Variants in CNTNAP4 observed in about 807,000 individuals in gnomAD.
The protein encoded by CNTNAP4 is contactin-associated protein-like 4.
CNTNAP4 carries 98 observed loss-of-function variants against 148.4 expected under a neutral mutation model. The observed-to-expected ratio is 0.66, with a 90% CI of 0.56 to 0.78. The LOEUF (loss-of-function observed/expected upper bound fraction) is 0.78. CNTNAP4 is among the 30% of genes least tolerant of loss of function. The pLI is 0.00. For missense variants in CNTNAP4, 1,935 were observed against 1,565.6 expected, an observed-to-expected ratio of 1.24 and a Z score of -3.98; for synonymous variants, 730 against 565.1, an observed-to-expected ratio of 1.29 and a Z score of -4.14.
At chr16:76,368,676 G>A (rs2014439276) in intron 3 of CNTNAP4, among the ~76,000 whole-genome samples, 1 of 152,030 alleles carries the variant, frequency 6.6e-6, no homozygotes, top group Admixed American at 6.6e-5. Context: ...CTGTTGTGGG[G>A]TAAGGGGCAA....
At chr16:76,482,431 A>ATTTTTTTTTTTT (rs373576749) in intron 12 of CNTNAP4, among the ~76,000 whole-genome samples, 1 of 129,600 alleles carries the variant, frequency 7.7e-6, no homozygotes, top group Non-Finnish European at 1.7e-5. Context: ...TGTTTTACAC[A>ATTTTTTTTTTTT]ATTTTTTTTT....
intron 3 of CNTNAP4, among the ~76,000 whole-genome samples, chr16:76,388,632 T>A (rs1485907379): frequency 6.6e-6 from 1 of 152,232 alleles, no homozygotes; most frequent in Non-Finnish European, 1.5e-5. Context: ...TAATGTCTGA[T>A]ATATAATAGT....
At chr16:76,438,934 A>C (rs1433719512) in intron 4 of CNTNAP4, among the ~76,000 whole-genome samples, 1 of 152,230 alleles carries the variant, frequency 6.6e-6, no homozygotes, top group Non-Finnish European at 1.5e-5. Flanking sequence ...GTACATTTGT[A>C]CAATTACAAC....
At chr16:76,361,216 CA>C (rs1289211907) in intron 3 of CNTNAP4, among the ~76,000 whole-genome samples, 1 of 152,128 alleles carries the variant, frequency 6.6e-6, no homozygotes, top group African/African-American at 2.4e-5. Context: ...TCACTATAAG[CA>C]CAGTGTTGTA....
At chr16:76,470,868 C>G (rs2081345397) in intron 10 of CNTNAP4, among the ~76,000 whole-genome samples, 1 of 152,024 alleles carries the variant, frequency 6.6e-6, no homozygotes, top group Non-Finnish European at 1.5e-5. Context: ...ACCAATGTGG[C>G]CTTTGCACAC....
intron 2 of CNTNAP4, among the ~76,000 whole-genome samples, 179 bp from the exon 3 acceptor site, chr16:76,355,139 A>G (rs985239053): frequency 1.3e-5 from 2 of 152,224 alleles, no homozygotes; most frequent in Non-Finnish European, 2.9e-5. Flanking sequence ...ATTAACATAG[A>G]CATCATATAA....
At chr16:76,517,219 A>C (rs186593681) in intron 15 of CNTNAP4, among the ~76,000 whole-genome samples, 1 of 152,276 alleles carries the variant, frequency 6.6e-6, no homozygotes, top group African/African-American at 2.4e-5. Context: ...GTAAGGAGGG[A>C]GGAAAGCGGT....
At chr16:76,341,791 G>A (rs1402148023) in intron 2 of CNTNAP4, among the ~76,000 whole-genome samples, 2 of 152,158 alleles carry the variant, frequency 1.3e-5, no homozygotes, top group Non-Finnish European at 2.9e-5. Flanking sequence ...CAGTGAGGAT[G>A]TAAAGCAAGA....
At chr16:76,373,436 T>C (rs80025336) in intron 3 of CNTNAP4, among the ~76,000 whole-genome samples, 3 of 152,304 alleles carry the variant, frequency 2.0e-5, no homozygotes, top group African/African-American at 7.2e-5. Flanking sequence ...TACCTCTAAA[T>C]TGGCCTTGTC....
At position 76,538,976 on chromosome 16, in the gene CNTNAP4, A is replaced by G. The variant is rs2084335288; in HGVS notation, c.3220+636A>G. ...GGATAAGAAAAGCAAACATACAAAC[A>G]TGTGACTATATCATTTCAACTGATT... On this transcript the variant is annotated intron_variant, in intron 19 of 23. Coordinates refer to ENST00000611870, the MANE Select transcript of CNTNAP4 (RefSeq NM_033401.5). 2.6e-5 allele frequency among the ~76,000 whole-genome samples: 4 copies of G among 152,108 alleles called. 1 individual carries two copies. The highest frequency in any genetic ancestry group is 2.6e-4 in the Admixed American group (4 of 15,276).
intron 2 of CNTNAP4, among the ~76,000 whole-genome samples, chr16:76,329,606 A>G (rs1310592833): frequency 6.6e-6 from 1 of 152,180 alleles, no homozygotes; most frequent in Non-Finnish European, 1.5e-5. Context: ...TTTCTTCCTC[A>G]GTGGGAATTA....
At chr16:76,384,039 G>GTTAT (rs558833268) in intron 3 of CNTNAP4, among the ~76,000 whole-genome samples, 160 of 151,872 alleles carry the variant, frequency 1.1e-3, no homozygotes, top group African/African-American at 3.6e-3. Context: ...TTTGTTTTTT[G>GTTAT]TTATTTATTT....
At chr16:76,338,255 C>G (rs1418869663) in intron 2 of CNTNAP4, among the ~76,000 whole-genome samples, 1 of 152,156 alleles carries the variant, frequency 6.6e-6, no homozygotes, top group Non-Finnish European at 1.5e-5. Flanking sequence ...GAAATCTTCA[C>G]AATTTATGTT....
intron 3 of CNTNAP4, among the ~76,000 whole-genome samples, chr16:76,370,966 C>G (rs17766886): frequency 9.1e-6 from 1 of 109,736 alleles, no homozygotes; most frequent in Non-Finnish European, 1.9e-5. Context: ...GTAGGCAAAG[C>G]TAGCCAAGAA....
intron 13 of CNTNAP4, among the ~76,000 whole-genome samples, chr16:76,492,470 G>A (rs2082256578): frequency 6.6e-6 from 1 of 152,180 alleles, no homozygotes; most frequent in Non-Finnish European, 1.5e-5. Context: ...AAGTCAAGCT[G>A]TAACAGAACC....
chr16:76,500,801 G>A (rs1045355766), intron 15 of CNTNAP4, among the ~76,000 whole-genome samples: 10 of 150,748 alleles, frequency 6.6e-5, no homozygotes, highest in African/African-American at 2.5e-4. Flanking sequence ...TCTTTGATCA[G>A]GGAATGAAAT....
At position 76,324,945 on chromosome 16, in the gene CNTNAP4, G is replaced by A. The variant is rs184915045; in HGVS notation, c.196+8422G>A. On this transcript the variant is annotated intron_variant, in intron 2 of 23. Coordinates refer to ENST00000611870, the MANE Select transcript of CNTNAP4 (RefSeq NM_033401.5). ...GGGCTTCAGCCTGTGAATTTTGTTG[G>A]GACACAAACATTCAGCCCATAGTAG... 5.9e-5 allele frequency among the ~76,000 whole-genome samples: 9 copies of A among 152,188 alleles called. No homozygotes were observed. In the East Asian group the frequency reaches 1.7e-3, roughly 29 times the overall value.
Position 76,448,061 on chromosome 16 carries a change from T to G in CNTNAP4, c.588T>G (p.Phe196Leu). 3 of 1,613,796 alleles carry G rather than the reference T, an allele frequency of 1.9e-6. No homozygotes were observed. The highest frequency in any genetic ancestry group is 1.7e-6 in the Non-Finnish European group (2 of 1,179,754). Residue 196 changes from phenylalanine to leucine, a missense_variant, in exon 5 of 24, where the codon TTT (phenylalanine) becomes TTG (leucine). Coordinates refer to ENST00000611870, the MANE Select transcript of CNTNAP4 (RefSeq NM_033401.5). Reference sequence around the variant, plus strand: ...GAAAAAGTTCCCTTCTCTACAGATTTGATCAAAAATCCCTGAGCCCAATAA... The same window carrying G: ...GAAAAAGTTCCCTTCTCTACAGATTGGATCAAAAATCCCTGAGCCCAATAA... Reference protein sequence around the residue: ...LDGKSSLLYRFDQKSLSPIKD... With the variant: ...LDGKSSLLYRLDQKSLSPIKD...
Position 76,539,857 on chromosome 16 carries a change from T to G in CNTNAP4, c.3354+5T>G, listed in dbSNP as rs1052914277. 3 of 1,562,752 alleles carry G rather than the reference T, an allele frequency of 1.9e-6. No homozygotes were observed. The highest frequency in any genetic ancestry group is 2.6e-6 in the Non-Finnish European group (3 of 1,161,646). Reference sequence around the variant, plus strand: ...GAAGGAGTGGTCTTTATAGAGGTAATGTAGTAAATTCAGCAGAAGCAATCA... The same window carrying G: ...GAAGGAGTGGTCTTTATAGAGGTAAGGTAGTAAATTCAGCAGAAGCAATCA... On this transcript the variant is annotated splice_donor_5th_base_variant and intron_variant, in intron 20 of 23. Transcript: ENST00000611870.
Sources: allele counts gnomAD v4.1 joint callset (sites outside exome capture counted in the v4.1 genomes callset), GRCh38; gene constraint gnomAD v4.1.1; transcripts MANE v1.5; gene names NCBI Gene and HGNC (gene_info 2026-07-23, HGNC 2026-07-21).